The following SNTG1 variants were observed in gnomAD, a reference collection of about 807,000 sequenced individuals.
SNTG1 encodes syntrophin gamma 1.
SNTG1 carries 39 observed loss-of-function variants against 74.7 expected under a neutral mutation model. The observed-to-expected ratio is 0.52, with a 90% CI of 0.40 to 0.68. SNTG1 has a LOEUF of 0.68. SNTG1 is among the 30% of genes least tolerant of loss of function. The pLI, the probability that SNTG1 is intolerant of heterozygous loss-of-function variation, is 0.00. For missense variants in SNTG1, 685 were observed against 609.5 expected (o/e 1.12, Z -1.30); for synonymous variants, 254 against 217.1 (o/e 1.17, Z -1.49).
rs915986253 is a variant in SNTG1, at chr8:50,572,672, G to A, written c.811-18207G>A. Among the ~76,000 whole-genome samples, 7 of 152,230 alleles carry A rather than the reference G, an allele frequency of 4.6e-5. No homozygotes were observed. The East Asian group carries it at 1.4e-3, about 29-fold the overall frequency. ...TGAAATGTGAGCTCTAGAAGCAAAA[G>A]TCATGTTTAAATTCTTCTCTTCTCA... On this transcript the variant is annotated intron_variant, in intron 12 of 18. Coordinates refer to ENST00000642720, the MANE Select transcript of SNTG1 (RefSeq NM_018967.5).
chr8:50,403,298 A>G (rs956536218), intron 4 of SNTG1, among the ~76,000 whole-genome samples: 5 of 152,220 alleles, frequency 3.3e-5, no homozygotes, highest in African/African-American at 9.6e-5. Flanking sequence ...CTAACACCCT[A>G]TGGGAGTCAC....
chr8:50,553,230 A>C, intron 12 of SNTG1, 51 bp downstream of exon 12: 1 of 1,607,982 alleles, frequency 6.2e-7, no homozygotes, highest in Non-Finnish European at 8.5e-7. Context: ...GGCTTTATAA[A>C]ATCCTTCAGT....
At chr8:50,721,121 G>T (rs983721079) in intron 17 of SNTG1, among the ~76,000 whole-genome samples, 2 of 152,112 alleles carry the variant, frequency 1.3e-5, no homozygotes, top group East Asian at 1.9e-4. Context: ...CCTTCCATTT[G>T]TACATTATTA....
chr8:50,572,273 TATAG>T lies in SNTG1; in HGVS notation c.811-18604_811-18601del, dbSNP rs1362150029. Reference sequence around the variant, plus strand: ...ATCACCTATTTTATATATATATATATATAGAGAGAGAGAGAGAGAGAGTCATTTC... The same window carrying T: ...ATCACCTATTTTATATATATATATATAGAGAGAGAGAGAGAGAGTCATTTC... On this transcript the variant is annotated intron_variant, in intron 12 of 18. Coordinates refer to ENST00000642720, the MANE Select transcript of SNTG1 (RefSeq NM_018967.5). 4.8e-3 allele frequency among the ~76,000 whole-genome samples: 701 copies of T among 146,346 alleles called. 9 individuals are homozygous for T. The highest frequency in any genetic ancestry group is 0.014 in the African/African-American group (547 of 39,054).
chr8:50,283,150 A>C (rs2088571962), intron 2 of SNTG1, among the ~76,000 whole-genome samples: 1 of 152,232 alleles, frequency 6.6e-6, no homozygotes, highest in African/African-American at 2.4e-5. Context: ...GAAACAAAAA[A>C]GCGACAAAAA....
At chr8:49,922,954 T>G (rs895884903) in intron 1 of SNTG1, among the ~76,000 whole-genome samples, 5 of 152,152 alleles carry the variant, frequency 3.3e-5, no homozygotes, top group Non-Finnish European at 7.4e-5. Flanking sequence ...AATGTAATGA[T>G]TCGTGTCTAC....
chr8:50,442,749 A>T (rs1170247163), intron 5 of SNTG1, among the ~76,000 whole-genome samples: 1 of 150,458 alleles, frequency 6.6e-6, no homozygotes, highest in Admixed American at 6.6e-5. Context: ...TTCAACAAAA[A>T]GCCCTATCTG....
chr8:49,951,324 G>T (rs1044412720), intron 1 of SNTG1, among the ~76,000 whole-genome samples: 1 of 152,150 alleles, frequency 6.6e-6, no homozygotes, highest in African/African-American at 2.4e-5. Context: ...ATGCCTAGTG[G>T]CATTTGGTTA....
chr8:50,669,856 C>T (rs1432868475), intron 15 of SNTG1, among the ~76,000 whole-genome samples: 1 of 152,178 alleles, frequency 6.6e-6, no homozygotes, highest in East Asian at 1.9e-4. Flanking sequence ...ATCAAGTGGG[C>T]TTCATCCCTG....
intron 1 of SNTG1, among the ~76,000 whole-genome samples, chr8:49,979,178 C>A (rs1342597822): frequency 6.6e-6 from 1 of 152,218 alleles, no homozygotes; most frequent in Admixed American, 6.5e-5. Flanking sequence ...CAATGAGCAG[C>A]AGGGCAGTTC....
At chr8:50,620,596 T>G (rs1319895410) in intron 13 of SNTG1, among the ~76,000 whole-genome samples, 1 of 151,780 alleles carries the variant, frequency 6.6e-6, no homozygotes, top group African/African-American at 2.4e-5. Flanking sequence ...TCAGAGAGAG[T>G]AGCTAATTTT....
chr8:50,121,629 C>G (rs2081000009), intron 1 of SNTG1, among the ~76,000 whole-genome samples: 2 of 141,880 alleles, frequency 1.4e-5, no homozygotes, highest in African/African-American at 5.1e-5. Context: ...AAACTAGTGA[C>G]AGAGAAGGAG....
chr8:50,642,771 T>C (rs551612639), intron 13 of SNTG1, among the ~76,000 whole-genome samples: 1 of 152,286 alleles, frequency 6.6e-6, no homozygotes, highest in South Asian at 2.1e-4. Context: ...TATTTATTTA[T>C]GGTTCCCCCT....
At chr8:50,249,453 G>T (rs1193732160) in intron 2 of SNTG1, among the ~76,000 whole-genome samples, 1 of 152,240 alleles carries the variant, frequency 6.6e-6, no homozygotes, top group Non-Finnish European at 1.5e-5. Context: ...ACATGTACCT[G>T]CCCCTAGCTT....
At chr8:49,940,204 A>G (rs1053041770) in intron 1 of SNTG1, among the ~76,000 whole-genome samples, 1 of 152,144 alleles carries the variant, frequency 6.6e-6, no homozygotes, top group Non-Finnish European at 1.5e-5. Flanking sequence ...AAACTGCACC[A>G]AAAGGTAGTC....
At chr8:50,400,472 T>C (rs945875848) in intron 3 of SNTG1, among the ~76,000 whole-genome samples, 1 of 152,220 alleles carries the variant, frequency 6.6e-6, no homozygotes, top group Admixed American at 6.5e-5. Flanking sequence ...ACAATAAACA[T>C]GGGAGTGCAG....
chr8:49,946,409 T>TA (rs1809193883), intron 1 of SNTG1, among the ~76,000 whole-genome samples: 1 of 152,212 alleles, frequency 6.6e-6, no homozygotes, highest in Admixed American at 6.5e-5. Context: ...CTCTGGGAGA[T>TA]ACGTGTATGG....
intron 10 of SNTG1, among the ~76,000 whole-genome samples, chr8:50,531,886 G>A (rs1217979264): frequency 6.6e-6 from 1 of 152,156 alleles, no homozygotes; most frequent in Non-Finnish European, 1.5e-5. Flanking sequence ...GCAGAGCAGA[G>A]GAGTCAGAGT....
intron 2 of SNTG1, among the ~76,000 whole-genome samples, chr8:50,375,228 C>A (rs1381591526): frequency 1.3e-5 from 2 of 152,034 alleles, no homozygotes; most frequent in African/African-American, 4.8e-5. Flanking sequence ...GGACATAGAG[C>A]CTTGAATCTA....
Sources: gnomAD v4.1 joint callset for allele counts (sites outside exome capture counted in the v4.1 genomes callset) on GRCh38, gnomAD v4.1.1 for gene constraint, MANE v1.5 for transcripts, NCBI Gene and HGNC (gene_info 2026-07-23, HGNC 2026-07-21) for gene names.